RHOT1: variants seen among roughly 807,000 people sequenced by gnomAD.
The protein encoded by RHOT1 is ras homolog family member T1, also known as mitochondrial Rho GTPase 1.
Under a neutral mutation model 95.3 loss-of-function variants are expected in RHOT1, and 27 were observed. The ratio of observed to expected loss-of-function variants is 0.28; its 90% confidence interval spans 0.21 to 0.39. The LOEUF is 0.39. Among genes scored for constraint, RHOT1 ranks in the 10% least tolerant of loss-of-function variants. The pLI, the probability that RHOT1 is intolerant of heterozygous loss-of-function variation, is 1.00. For synonymous variants in RHOT1, 227 were observed against 263.5 expected, an observed-to-expected ratio of 0.86 and a Z score of 1.34; for missense variants, 578 against 786.7, an observed-to-expected ratio of 0.73 and a Z score of 3.17.
At chr17:32,214,396 TGTTAG>T (rs2038317790) in intron 19 of RHOT1, among the ~76,000 whole-genome samples, 1 of 152,232 alleles carries the variant, frequency 6.6e-6, no homozygotes, top group African/African-American at 2.4e-5. Context: ...ATTTCCAGAT[TGTTAG>T]AGATTAGCAA....
At chr17:32,166,654 G>A (rs868768039) in intron 1 of RHOT1, among the ~76,000 whole-genome samples, 4 of 152,320 alleles carry the variant, frequency 2.6e-5, no homozygotes, top group Middle Eastern at 3.4e-3. Context: ...ATCTTCACCA[G>A]TAGATTCTGT....
chr17:32,151,409 C>G (rs763525088), intron 1 of RHOT1: 1 of 654,198 alleles, frequency 1.5e-6, no homozygotes, highest in Non-Finnish European at 2.7e-6. Flanking sequence ...GAAACTGGGA[C>G]TAGCTGGATC....
intron 19 of RHOT1, 74 bp from the exon 20 acceptor site, chr17:32,224,542 A>G (rs1273776909): frequency 3.0e-6 from 3 of 1,013,758 alleles, no homozygotes; most frequent in Non-Finnish European, 4.4e-6. Context: ...CCCTAAAAGT[A>G]GACTGCTAAA....
chr17:32,214,651 T>C (rs2038341059), intron 19 of RHOT1, among the ~76,000 whole-genome samples: 1 of 152,196 alleles, frequency 6.6e-6, no homozygotes, highest in African/African-American at 2.4e-5. Flanking sequence ...CTGTTACTTC[T>C]CAGGTTTTGG....
intron 19 of RHOT1, among the ~76,000 whole-genome samples, chr17:32,212,235 A>G (rs986340136): frequency 1.6e-4 from 25 of 152,220 alleles, no homozygotes; most frequent in African/African-American, 6.0e-4. Flanking sequence ...TCCACCAGCA[A>G]TATAGTGGAT....
chr17:32,159,847 A>C (rs1331157593), intron 1 of RHOT1: 1 of 152,392 alleles, frequency 6.6e-6, no homozygotes, highest in Non-Finnish European at 1.5e-5. Flanking sequence ...GCTCCTGGGC[A>C]GAAGGGGGCA....
intron 14 of RHOT1, 94 bp downstream of exon 14, chr17:32,201,150 A>T: frequency 1.5e-6 from 1 of 673,324 alleles, no homozygotes; most frequent in South Asian, 1.9e-5. Context: ...ACTCATCTTC[A>T]TTAGTCTTCC....
intron 19 of RHOT1, among the ~76,000 whole-genome samples, chr17:32,212,335 A>C (rs2142915881): frequency 6.6e-6 from 1 of 152,352 alleles, no homozygotes; most frequent in African/African-American, 2.4e-5. Context: ...TTCGAGCACT[A>C]ACAGCTCTGG....
Position 32,212,986 on chromosome 17 carries a change from C to T in RHOT1, c.1862+1748C>T, listed in dbSNP as rs796498911. ...AGAAAGCAGTGTTGCAGTTGTAGTGCGACTAGTCCAGAACAGTGGGCAGCT... is the reference window on the plus strand; with the variant it reads ...AGAAAGCAGTGTTGCAGTTGTAGTGTGACTAGTCCAGAACAGTGGGCAGCT... On this transcript the variant is annotated intron_variant, in intron 19 of 19. Coordinates refer to ENST00000545287, the MANE Select transcript of RHOT1 (RefSeq NM_001033566.3). Among the ~76,000 whole-genome samples, 15 of 152,054 alleles carry T rather than the reference C, an allele frequency of 9.9e-5. 1 individual carries two copies. Among genetic ancestry groups the T allele is most frequent in the African/African-American group, 2.4e-4 (10 of 41,470 alleles).
chr17:32,177,865 C>T (rs2035146589), intron 6 of RHOT1, among the ~76,000 whole-genome samples: 1 of 148,360 alleles, frequency 6.7e-6, no homozygotes, highest in African/African-American at 2.5e-5. Context: ...CACTCTGTTG[C>T]CCAGGCTGGA....
intron 1 of RHOT1, among the ~76,000 whole-genome samples, chr17:32,162,349 G>A (rs1282667084): frequency 6.6e-6 from 1 of 152,000 alleles, no homozygotes; most frequent in Admixed American, 6.6e-5. Context: ...CAGAAGCTGG[G>A]GACAAAGACC....
At chr17:32,148,555 A>G (rs557705895) in intron 1 of RHOT1, among the ~76,000 whole-genome samples, 22 of 152,332 alleles carry the variant, frequency 1.4e-4, no homozygotes, top group African/African-American at 5.1e-4. Context: ...TCTGCAGGCC[A>G]CATCATCTGC....
At chr17:32,149,716 C>CAT (rs995263489) in intron 1 of RHOT1, among the ~76,000 whole-genome samples, 3 of 143,502 alleles carry the variant, frequency 2.1e-5, no homozygotes, top group Admixed American at 7.0e-5. Context: ...CACACATACA[C>CAT]ATATATATAC....
chr17:32,143,931 T>C (rs544901203), intron 1 of RHOT1, among the ~76,000 whole-genome samples: 1 of 152,370 alleles, frequency 6.6e-6, no homozygotes, highest in African/African-American at 2.4e-5. Flanking sequence ...TGAAATTTCA[T>C]CCACCTGCTG....
At position 32,182,972 on chromosome 17, in the gene RHOT1, G is replaced by A. The variant is rs1037308993; in HGVS notation, c.438+107G>A. 9.8e-6 allele frequency: 8 copies of A among 813,786 alleles called. No individual in the cohort carries two copies. The African/African-American group carries it at 1.4e-4, about 14-fold the overall frequency. 50.4% of individuals were successfully genotyped at this position (813,786 alleles called of 1,614,324 possible). ...GGATGGAATAAATTTCCTGCTATTT[G>A]TGAAGTCACGTAAACCAAATAAAAC... On this transcript the variant is annotated intron_variant, in intron 7 of 19. Coordinates refer to ENST00000545287, the MANE Select transcript of RHOT1 (RefSeq NM_001033566.3).
intron 1 of RHOT1, chr17:32,151,584 T>A: frequency 3.0e-6 from 1 of 330,474 alleles, no homozygotes. Context: ...ATGAACTTTT[T>A]AAAAAAAGGA....
chr17:32,201,154 G>C (rs903338406), intron 14 of RHOT1, 98 bp downstream of exon 14: 25 of 639,702 alleles, frequency 3.9e-5, no homozygotes, highest in Non-Finnish European at 6.3e-5. Context: ...ATCTTCATTA[G>C]TCTTCCATCT....
intron 8 of RHOT1, among the ~76,000 whole-genome samples, chr17:32,188,713 A>C (rs994446211): frequency 6.6e-6 from 1 of 152,220 alleles, no homozygotes; most frequent in African/African-American, 2.4e-5. Context: ...GAGTTTTGTC[A>C]AAAAAACTTT....
At chr17:32,161,691 A>G (rs1043134935) in intron 1 of RHOT1, among the ~76,000 whole-genome samples, 2 of 152,202 alleles carry the variant, frequency 1.3e-5, no homozygotes, top group Non-Finnish European at 2.9e-5. Flanking sequence ...GATGGAGTCA[A>G]CTATGTCAGA....
Sources: gnomAD v4.1 joint callset for allele counts (sites outside exome capture counted in the v4.1 genomes callset) on GRCh38, gnomAD v4.1.1 for gene constraint, MANE v1.5 for transcripts, NCBI Gene and HGNC (gene_info 2026-07-23, HGNC 2026-07-21) for gene names.